ANKFY1: variants seen among roughly 807,000 people sequenced by gnomAD.
ANKFY1 encodes the protein ankyrin repeat and FYVE domain-containing protein 1.
ANKFY1 carries 47 observed loss-of-function variants against 128.3 expected under a neutral mutation model. The ratio of observed to expected loss-of-function variants is 0.37; its 90% CI spans 0.29 to 0.47. ANKFY1 has a LOEUF of 0.47. ANKFY1 is among the 20% of genes least tolerant of loss of function. The probability of loss-of-function intolerance (pLI) is 1.00; values close to 1 mark genes in which losing one functional copy is unlikely to be tolerated. For missense variants in ANKFY1, 1,222 were observed against 1,510.6 expected, an observed-to-expected ratio of 0.81 and a Z score of 3.17; for synonymous variants, 553 against 601.6, an observed-to-expected ratio of 0.92 and a Z score of 1.18.
At chr17:4,172,387 C>T (rs2059337412) in intron 22 of ANKFY1, among the ~76,000 whole-genome samples, 169 bp downstream of exon 22, 1 of 152,172 alleles carries the variant, frequency 6.6e-6, no homozygotes, top group Non-Finnish European at 1.5e-5. Context: ...TGTCTAAAAT[C>T]AGACACCCCA....
chr17:4,195,277 C>T, intron 9 of ANKFY1, 100 bp from the exon 10 acceptor site: 1 of 1,046,652 alleles, frequency 9.6e-7, no homozygotes, highest in South Asian at 1.5e-5. Context: ...TTCAATGACA[C>T]ATTTTTTTTT....
chr17:4,168,138 T>TC (rs2059244922), intron 24 of ANKFY1: 4 of 401,524 alleles, frequency 1.0e-5, no homozygotes. Context: ...AGAAGGCTTT[T>TC]TTTTTTTTTT....
intron 4 of ANKFY1, chr17:4,216,503 T>C (rs2060223037): frequency 5.2e-6 from 1 of 191,406 alleles, no homozygotes; most frequent in Non-Finnish European, 1.1e-5. Flanking sequence ...CAACCTAAAA[T>C]GCAGTAACTT....
intron 3 of ANKFY1, among the ~76,000 whole-genome samples, chr17:4,221,508 G>A (rs1277571955): frequency 1.3e-5 from 2 of 151,804 alleles, no homozygotes; most frequent in Non-Finnish European, 2.9e-5. Context: ...CACAGCACCT[G>A]GCTGACTTTG....
rs546745560 is a variant in ANKFY1, at chr17:4,183,438, C to A, written c.1912G>T (p.Ala638Ser). The A allele has an allele frequency of 1.2e-5, 19 of 1,613,732 alleles. No homozygotes were observed. The Admixed American group carries it at 2.7e-4, about 23-fold the overall frequency. The change falls in exon 14 of 25, where the codon GCA becomes TCA. Residue 638 changes from alanine (A) to serine (S), a missense_variant. By Grantham distance (99) the Ala-to-Ser change is moderately conservative. Transcript: ENST00000341657. ...GCCTGGTGCTCCAGCAGGAAGAGTG[C>A]GCTCTTGCTGTCCTGCCGCTGTATG... ...MAIQRQDSKS[A>S]LFLLEHQADI...
At chr17:4,205,877 A>C (rs1314365646) in intron 7 of ANKFY1, among the ~76,000 whole-genome samples, 1 of 152,242 alleles carries the variant, frequency 6.6e-6, no homozygotes, top group Non-Finnish European at 1.5e-5. Context: ...CTATCAATTT[A>C]TCATAATAGA....
rs1281744888 is a variant in ANKFY1, at chr17:4,181,213, C to G, written c.2240+41G>C. 6.6e-7 allele frequency: 1 copy of G among 1,523,602 alleles called. No homozygotes were observed. Among genetic ancestry groups the G allele is most frequent in the Non-Finnish European group, 9.1e-7 (1 of 1,099,386 alleles). The allele number at this position is 1,523,602 out of a possible 1,614,324, so 94.4% of individuals were successfully genotyped here. ...AAGGAAAGAGCCAGTTTGCAACAAG[C>G]TCACTAAAAAGCTGTGGAGAGATAC... is the stretch of plus-strand genomic sequence containing the variant. On this transcript the variant is annotated intron_variant, in intron 16 of 24. Coordinates refer to ENST00000341657, the MANE Select transcript of ANKFY1 (RefSeq NM_001330063.2). The surrounding 1 kb of genome is among the most constrained non-coding windows in gnomAD (Gnocchi z 4.9).
At chr17:4,250,082 C>T (rs1664835532) in intron 1 of ANKFY1, among the ~76,000 whole-genome samples, 1 of 152,174 alleles carries the variant, frequency 6.6e-6, no homozygotes, top group African/African-American at 2.4e-5. Flanking sequence ...TTGTTACAGA[C>T]CCTTCACCTC....
intron 3 of ANKFY1, among the ~76,000 whole-genome samples, chr17:4,221,458 T>C (rs2060310483): frequency 6.6e-6 from 1 of 152,228 alleles, no homozygotes; most frequent in Admixed American, 6.5e-5. Context: ...GCAATTCTCC[T>C]GCCTTGGCCT....
At chr17:4,213,541 A>G (rs1268656191) in intron 4 of ANKFY1, among the ~76,000 whole-genome samples, 1 of 151,432 alleles carries the variant, frequency 6.6e-6, no homozygotes, top group Non-Finnish European at 1.5e-5. Context: ...AATGTAAGTT[A>G]CATACAACAG....
At chr17:4,255,145 T>C (rs966455081) in intron 1 of ANKFY1, among the ~76,000 whole-genome samples, 3 of 152,104 alleles carry the variant, frequency 2.0e-5, no homozygotes, top group Non-Finnish European at 2.9e-5. Flanking sequence ...TCAGTCTTTC[T>C]AGATTCACAT....
chr17:4,222,346 C>T (rs2060339035), intron 3 of ANKFY1: 1 of 745,184 alleles, frequency 1.3e-6, no homozygotes, highest in Non-Finnish European at 2.5e-6. Context: ...GACAAATGAC[C>T]TTATTATTCA....
At chr17:4,223,930 C>T in intron 3 of ANKFY1, 1 of 593,498 alleles carries the variant, frequency 1.7e-6, no homozygotes, top group Non-Finnish European at 3.0e-6. Context: ...TTCCAGAACA[C>T]TGTGCCTCAG....
intron 2 of ANKFY1, among the ~76,000 whole-genome samples, chr17:4,238,247 T>C (rs1177627702): frequency 6.6e-6 from 1 of 150,862 alleles, no homozygotes; most frequent in Non-Finnish European, 1.5e-5. Context: ...TTCCGGCTAC[T>C]AAGATGTACA....
intron 3 of ANKFY1, among the ~76,000 whole-genome samples, chr17:4,234,457 T>A (rs924902031): frequency 3.3e-5 from 5 of 152,104 alleles, no homozygotes; most frequent in Non-Finnish European, 5.9e-5. Flanking sequence ...CACAAAAAAA[T>A]GTGACATAAA....
chr17:4,220,657 C>T (rs1271003120), intron 3 of ANKFY1, among the ~76,000 whole-genome samples: 2 of 152,290 alleles, frequency 1.3e-5, no homozygotes, highest in African/African-American at 4.8e-5. Context: ...CCACTCCTGC[C>T]GTGACTCTTC....
At position 4,255,392 on chromosome 17, in the gene ANKFY1, C is replaced by A. The variant is rs574806401; in HGVS notation, c.10+8540G>T. On this transcript the variant is annotated intron_variant, in intron 1 of 24. Transcript: ENST00000341657. ...CTCCTGAAGCAGCTGAGATTACAGG[C>A]GCCTGCCACCATGCCCAGCTAATTT... Among the ~76,000 whole-genome samples, 5 of 151,832 alleles carry A rather than the reference C, an allele frequency of 3.3e-5. No individual in the cohort carries two copies. The East Asian group carries it at 9.7e-4, about 30-fold the overall frequency.
At chr17:4,217,589 C>T (rs1009627184) in intron 3 of ANKFY1, among the ~76,000 whole-genome samples, 1 of 152,214 alleles carries the variant, frequency 6.6e-6, no homozygotes, top group South Asian at 2.1e-4. Context: ...TCTGACTAAA[C>T]TTTCGCAGTG....
Position 4,166,808 on chromosome 17 carries a change from G to C in ANKFY1, c.*971C>G, listed in dbSNP as rs914110002. ...TTGGTGACTCCCCCTCTCATCACTT[G>C]GCCTGTATGAATCTCTTGCTCTAAA... On this transcript the variant is annotated 3_prime_UTR_variant, in exon 25 of 25. Coordinates refer to ENST00000341657, the MANE Select transcript of ANKFY1 (RefSeq NM_001330063.2). 1 of 152,230 alleles carries C rather than the reference G, an allele frequency of 6.6e-6. No homozygotes were observed. Among genetic ancestry groups the C allele is most frequent in the Admixed American group, 6.5e-5 (1 of 15,286 alleles). 9.4% of individuals were successfully genotyped at this position (152,230 alleles called of 1,614,324 possible).
Sources: gnomAD v4.1 joint callset for allele counts (sites outside exome capture counted in the v4.1 genomes callset) on GRCh38, gnomAD v4.1.1 for gene constraint, Gnocchi (gnomAD v3.1) non-coding constraint, MANE v1.5 for transcripts, NCBI Gene and HGNC (gene_info 2026-07-23, HGNC 2026-07-21) for gene names.